The following STXBP5L variants were observed in gnomAD, a reference collection of about 807,000 sequenced individuals.
STXBP5L encodes syntaxin binding protein 5L.
STXBP5L carries 65 observed loss-of-function variants against 144.5 expected under a neutral mutation model. The observed-to-expected ratio is 0.45, with a 90% CI of 0.37 to 0.55. The LOEUF (loss-of-function observed/expected upper bound fraction) is 0.55. Ranked by LOEUF, STXBP5L falls within the 20% of genes least tolerant of loss-of-function variation. The pLI is 0.00. For missense variants in STXBP5L, 1,298 were observed against 1,405.5 expected (o/e 0.92, Z 1.22); for synonymous variants, 505 against 469.6 (o/e 1.08, Z -0.97).
intron 9 of STXBP5L, chr3:121,158,149 T>C (rs2046186820): frequency 6.6e-6 from 1 of 152,456 alleles, no homozygotes; most frequent in South Asian, 2.1e-4. Flanking sequence ...TAATCCTAAA[T>C]GAGGATTTTA....
intron 20 of STXBP5L, among the ~76,000 whole-genome samples, chr3:121,356,668 T>G (rs2045525745): frequency 6.6e-6 from 1 of 152,184 alleles, no homozygotes. Context: ...TGCCCTGCCC[T>G]GCTTCAGCTC....
intron 2 of STXBP5L, among the ~76,000 whole-genome samples, chr3:120,916,571 G>A (rs1709113388): frequency 6.6e-6 from 1 of 152,086 alleles, no homozygotes; most frequent in Non-Finnish European, 1.5e-5. Flanking sequence ...AAAGTGCTGG[G>A]ATTACAGCCG....
At chr3:121,005,962 T>A (rs574217837) in intron 3 of STXBP5L, among the ~76,000 whole-genome samples, 84 of 152,316 alleles carry the variant, frequency 5.5e-4, no homozygotes, top group Middle Eastern at 3.4e-3. Flanking sequence ...GAGGAGTGCT[T>A]TACTTCCAAC....
intron 20 of STXBP5L, among the ~76,000 whole-genome samples, chr3:121,366,784 C>A (rs2045875105): frequency 6.6e-6 from 1 of 151,864 alleles, no homozygotes; most frequent in South Asian, 2.1e-4. Context: ...TTTATGATTT[C>A]TCTTCTATAG....
chr3:121,200,666 C>G (rs1031174535), intron 9 of STXBP5L, among the ~76,000 whole-genome samples: 3 of 152,104 alleles, frequency 2.0e-5, no homozygotes, highest in African/African-American at 7.2e-5. Flanking sequence ...CCCAGAGATT[C>G]TGGGTTCGTT....
At chr3:121,142,784 C>A (rs2045559719) in intron 7 of STXBP5L, among the ~76,000 whole-genome samples, 1 of 151,638 alleles carries the variant, frequency 6.6e-6, no homozygotes, top group Non-Finnish European at 1.5e-5. Flanking sequence ...TAAATGCTTA[C>A]ATTAAAAAAT....
chr3:120,970,826 TA>T lies in STXBP5L; in HGVS notation c.287+15790del, dbSNP rs1313828323. On this transcript the variant is annotated intron_variant, in intron 3 of 26. Coordinates refer to ENST00000471454, the MANE Select transcript of STXBP5L (RefSeq NM_001308330.2). ...TTTTTTTCCATTCTAGGGGAACTTA[TA>T]TTGAGCACAGGAACTAAAACAATTC... Among the ~76,000 whole-genome samples, 12 of 152,266 alleles carry T rather than the reference TA, an allele frequency of 7.9e-5. No individual in the cohort carries two copies. In the East Asian group the frequency reaches 2.3e-3, roughly 29 times the overall value.
chr3:121,241,364 AAC>A (rs1421821201), intron 14 of STXBP5L, among the ~76,000 whole-genome samples: 3 of 123,176 alleles, frequency 2.4e-5, no homozygotes, highest in Admixed American at 8.8e-5. Context: ...GTTTAACAAC[AAC>A]ACACACACAT....
At chr3:121,346,530 G>A (rs1296364495) in intron 20 of STXBP5L, among the ~76,000 whole-genome samples, 1 of 152,080 alleles carries the variant, frequency 6.6e-6, no homozygotes, top group Non-Finnish European at 1.5e-5. Context: ...TCGCCACACT[G>A]TCTTCCACAA....
intron 5 of STXBP5L, among the ~76,000 whole-genome samples, chr3:121,106,286 C>T (rs990691188): frequency 5.9e-5 from 9 of 152,080 alleles, no homozygotes; most frequent in Non-Finnish European, 1.0e-4. Context: ...ATGTGAAGGA[C>T]ATCCAGGTTT....
intron 4 of STXBP5L, among the ~76,000 whole-genome samples, chr3:121,043,256 C>A (rs920487119): frequency 6.6e-6 from 1 of 152,012 alleles, no homozygotes; most frequent in South Asian, 2.1e-4. Flanking sequence ...TTTCACAGAT[C>A]TTTATAGTGC....
At chr3:121,409,523 A>G (rs948514573) in intron 23 of STXBP5L, among the ~76,000 whole-genome samples, 3 of 151,904 alleles carry the variant, frequency 2.0e-5, no homozygotes, top group African/African-American at 7.2e-5. Context: ...AGGCAGTGGT[A>G]TAGATCAGGG....
intron 3 of STXBP5L, among the ~76,000 whole-genome samples, chr3:120,982,417 G>C (rs1941870336): frequency 6.6e-6 from 1 of 152,176 alleles, no homozygotes; most frequent in Admixed American, 6.5e-5. Context: ...AATGTACTGA[G>C]CTCTCTGAAG....
rs546178111 is a variant in STXBP5L at position 121,060,339 on chromosome 3, A to G, written c.470+14804A>G. ...GATGAAGCTGACTTGATTGTGGTGGATAAGCTTTTTGATGTGCTGCTGGAC... is the reference window on the plus strand; with the variant it reads ...GATGAAGCTGACTTGATTGTGGTGGGTAAGCTTTTTGATGTGCTGCTGGAC... On this transcript the variant is annotated intron_variant, in intron 5 of 26. Coordinates refer to ENST00000471454, the MANE Select transcript of STXBP5L (RefSeq NM_001308330.2). 3.0e-4 allele frequency among the ~76,000 whole-genome samples: 45 copies of G among 152,260 alleles called. No individual in the cohort carries two copies. The Middle Eastern group carries it at 0.01, about 35-fold the overall frequency.
chr3:121,295,573 A>T (rs1308497081), intron 19 of STXBP5L, among the ~76,000 whole-genome samples: 3 of 152,140 alleles, frequency 2.0e-5, no homozygotes, highest in Non-Finnish European at 2.9e-5. Flanking sequence ...AATACGGGAG[A>T]TATTACCTAG....
At chr3:121,319,887 G>A (rs1577450100) in intron 20 of STXBP5L, among the ~76,000 whole-genome samples, 1 of 152,118 alleles carries the variant, frequency 6.6e-6, no homozygotes, top group South Asian at 2.1e-4. Flanking sequence ...GAGGCCAAGG[G>A]GGGAGGATCA....
intron 18 of STXBP5L, among the ~76,000 whole-genome samples, chr3:121,273,668 G>T (rs2050794195): frequency 6.6e-6 from 1 of 151,866 alleles, no homozygotes; most frequent in South Asian, 2.1e-4. Context: ...TTCAATAAGG[G>T]TTTCTTTTCT....
At chr3:120,985,479 T>G (rs1942205020) in intron 3 of STXBP5L, among the ~76,000 whole-genome samples, 1 of 152,092 alleles carries the variant, frequency 6.6e-6, no homozygotes, top group South Asian at 2.1e-4. Context: ...AGTATACTAT[T>G]ATCAACTATA....
chr3:120,979,027 G>T (rs138122404), intron 3 of STXBP5L, among the ~76,000 whole-genome samples: 2 of 152,010 alleles, frequency 1.3e-5, no homozygotes, highest in South Asian at 2.1e-4. Flanking sequence ...CAGTCTGCCC[G>T]TTCTCAGATC....
Sources: gnomAD v4.1 joint callset for allele counts (sites outside exome capture counted in the v4.1 genomes callset) on GRCh38, gnomAD v4.1.1 for gene constraint, MANE v1.5 for transcripts, NCBI Gene and HGNC (gene_info 2026-07-23, HGNC 2026-07-21) for gene names.